The following KCNN2 variants were observed in gnomAD, a reference collection of about 807,000 sequenced individuals.
KCNN2 encodes potassium calcium-activated channel subfamily N member 2, also known as small conductance calcium-activated potassium channel protein 2.
In KCNN2, 24 loss-of-function variants were observed where a neutral mutation model predicts 55.5. The observed-to-expected ratio is 0.43, with a 90% CI of 0.31 to 0.61. The LOEUF (loss-of-function observed/expected upper bound fraction) is 0.61. KCNN2 is among the 20% of genes least tolerant of loss of function. KCNN2 has a pLI of 0.08. For missense variants in KCNN2, 754 were observed against 853.6 expected, an observed-to-expected ratio of 0.88 and a Z score of 1.45; for synonymous variants, 431 against 336.1, an observed-to-expected ratio of 1.28 and a Z score of -3.09.
At chr5:114,392,936 A>T (rs184621270) in intron 2 of KCNN2, among the ~76,000 whole-genome samples, 6 of 151,744 alleles carry the variant, frequency 4.0e-5, no homozygotes, top group Admixed American at 3.3e-4. Context: ...TGATCCCAAA[A>T]ATGTCCTAAA....
intron 3 of KCNN2, among the ~76,000 whole-genome samples, chr5:114,418,775 T>G (rs6893255): frequency 0.013 from 1,966 of 152,310 alleles, 49 homozygotes; most frequent in African/African-American, 0.045. Context: ...CTTGGGTATT[T>G]CCTGAAAGCC....
At chr5:114,368,046 CA>C (rs916562703) in intron 2 of KCNN2, among the ~76,000 whole-genome samples, 1 of 152,054 alleles carries the variant, frequency 6.6e-6, no homozygotes, top group African/African-American at 2.4e-5. Context: ...TCCACTTATA[CA>C]CAGATTTTTT....
chr5:114,265,619 G>C (rs1755194508), intron 2 of KCNN2, among the ~76,000 whole-genome samples: 1 of 152,128 alleles, frequency 6.6e-6, no homozygotes, highest in African/African-American at 2.4e-5. Context: ...TTTGGTCTTT[G>C]ATTGTTGGAT....
rs538450732 is a variant in KCNN2, at chr5:114,349,696, A to G, written c.-184-11249A>G. Among the ~76,000 whole-genome samples the G allele has an allele frequency of 4.6e-4, 70 of 152,136 alleles. 1 individual carries two copies. In the South Asian group the frequency reaches 0.014, roughly 30 times the overall value. ...TGTTTCTACTTTTTGGTTATTATGG[A>G]TTATGCTGCAGGGAACATTCATGTA... On this transcript the variant is annotated intron_variant, in intron 2 of 10. Coordinates refer to the KCNN2 transcript ENST00000512097.
intron 2 of KCNN2, among the ~76,000 whole-genome samples, chr5:114,346,921 A>G (rs1398864594): frequency 6.6e-6 from 1 of 152,228 alleles, no homozygotes; most frequent in Non-Finnish European, 1.5e-5. Context: ...AAAAGGACAC[A>G]GGGGCCAACC....
At chr5:114,425,824 C>T (rs1759605899) in intron 3 of KCNN2, among the ~76,000 whole-genome samples, 1 of 152,102 alleles carries the variant, frequency 6.6e-6, no homozygotes, top group South Asian at 2.1e-4. Context: ...CACCTTGGCT[C>T]CCTGTGGCCA....
At chr5:114,094,525 T>C (rs1022056206) in intron 1 of KCNN2, among the ~76,000 whole-genome samples, 2 of 152,216 alleles carry the variant, frequency 1.3e-5, no homozygotes, top group Admixed American at 6.5e-5. Flanking sequence ...AAATGGCAGA[T>C]AATTGGGCTT....
chr5:114,377,259 A>C (rs1757972354), intron 2 of KCNN2, among the ~76,000 whole-genome samples: 1 of 151,966 alleles, frequency 6.6e-6, no homozygotes, highest in Non-Finnish European at 1.5e-5. Flanking sequence ...TATTCCTGGG[A>C]ACATCTGCTG....
At chr5:114,207,125 T>C (rs1159668046) in intron 1 of KCNN2, among the ~76,000 whole-genome samples, 2 of 152,232 alleles carry the variant, frequency 1.3e-5, no homozygotes, top group East Asian at 3.9e-4. Context: ...GAGGGAAGTG[T>C]CTTTGTGATG....
chr5:114,288,955 T>C (rs1220138420), intron 2 of KCNN2, among the ~76,000 whole-genome samples: 1 of 152,158 alleles, frequency 6.6e-6, no homozygotes, highest in African/African-American at 2.4e-5. Flanking sequence ...AACCCTATAT[T>C]TTTTTCTAAG....
intron 1 of KCNN2, among the ~76,000 whole-genome samples, chr5:114,161,710 C>A (rs1561503209): frequency 6.6e-6 from 1 of 152,142 alleles, no homozygotes; most frequent in Non-Finnish European, 1.5e-5. Flanking sequence ...TCTCCATATT[C>A]TTTTTTCTCT....
chr5:114,208,201 T>C (rs1753812538), intron 1 of KCNN2, among the ~76,000 whole-genome samples: 1 of 152,214 alleles, frequency 6.6e-6, no homozygotes, highest in African/African-American at 2.4e-5. Context: ...CCTCTACAAA[T>C]TCAAGATTTC....
chr5:114,410,739 CATT>C (rs1759105859), intron 3 of KCNN2, among the ~76,000 whole-genome samples: 1 of 151,942 alleles, frequency 6.6e-6, no homozygotes, highest in Non-Finnish European at 1.5e-5. Flanking sequence ...GAAAAGCAAA[CATT>C]GTGATAATAT....
intron 1 of KCNN2, among the ~76,000 whole-genome samples, chr5:114,186,909 C>T (rs1020171265): frequency 6.6e-6 from 1 of 152,018 alleles, no homozygotes; most frequent in African/African-American, 2.4e-5. Flanking sequence ...GCCAATATAA[C>T]CTTAACACCA....
At chr5:114,099,393 C>T (rs979196779) in intron 1 of KCNN2, among the ~76,000 whole-genome samples, 1 of 152,106 alleles carries the variant, frequency 6.6e-6, no homozygotes, top group African/African-American at 2.4e-5. Context: ...AAAACAAAAA[C>T]TTGGAGGAGA....
chr5:114,488,425 CA>C (rs886908561), intron 6 of KCNN2, among the ~76,000 whole-genome samples: 3 of 152,098 alleles, frequency 2.0e-5, no homozygotes, highest in African/African-American at 7.2e-5. Context: ...AAGGAAAACA[CA>C]AGGTTAGAGT....
At chr5:114,428,206 C>G (rs1329365929) in intron 3 of KCNN2, among the ~76,000 whole-genome samples, 1 of 151,978 alleles carries the variant, frequency 6.6e-6, no homozygotes, top group Admixed American at 6.6e-5. Context: ...TTTTGTTAGA[C>G]CATAATTTTT....
intron 3 of KCNN2, among the ~76,000 whole-genome samples, chr5:114,428,572 A>G (rs1024831311): frequency 3.3e-5 from 5 of 152,142 alleles, no homozygotes; most frequent in African/African-American, 1.2e-4. Flanking sequence ...TTTCATTGAT[A>G]TATTCTATTT....
chr5:114,119,919 G>T (rs1580530852), intron 1 of KCNN2, among the ~76,000 whole-genome samples: 2 of 152,076 alleles, frequency 1.3e-5, no homozygotes, highest in East Asian at 3.9e-4. Flanking sequence ...TGAGATGCTG[G>T]AGATCATCAG....
Sources: allele counts gnomAD v4.1 joint callset (sites outside exome capture counted in the v4.1 genomes callset), GRCh38; gene constraint gnomAD v4.1.1; transcripts MANE v1.5; gene names NCBI Gene and HGNC (gene_info 2026-07-23, HGNC 2026-07-21).